Variants in GPR89B observed in about 807,000 individuals in gnomAD.
GPR89B encodes golgi pH regulator B, also known as G protein-coupled receptor 89B.
Under a neutral mutation model 52.4 loss-of-function variants are expected in GPR89B, and 25 were observed. The observed-to-expected ratio is 0.48, with a 90% CI of 0.35 to 0.67. The LOEUF is 0.67. GPR89B is among the 30% of genes least tolerant of loss of function. GPR89B has a pLI of 0.01. For synonymous variants in GPR89B, 52 were observed against 151.2 expected (o/e 0.34, Z 4.81); for missense variants, 146 against 450.2 (o/e 0.32, Z 6.11).
intron 7 of GPR89B, among the ~76,000 whole-genome samples, chr1:147,965,428 T>C (rs1656957400): frequency 2.0e-5 from 3 of 152,068 alleles, no homozygotes. Flanking sequence ...CCTGCTACTC[T>C]ATTTTTATTA....
chr1:147,937,851 A>T (rs1354068364), intron 2 of GPR89B, among the ~76,000 whole-genome samples: 1 of 152,200 alleles, frequency 6.6e-6, no homozygotes. Context: ...GGTGACATAC[A>T]TCCTCAGTTT....
At chr1:148,017,746 T>TAAATAAAATAAAATAAAATAAAATA in the GPR89B span, among the ~76,000 whole-genome samples, 10 of 143,354 alleles carry the variant, frequency 7.0e-5, no homozygotes, top group African/African-American at 1.9e-4. Flanking sequence ...TCAAAATAAA[T>TAAATAAAATAAAATAAAATAAAATA]AAATAAAATA....
chr1:147,943,587 G>A (rs781842691), intron 4 of GPR89B, 43 bp downstream of exon 4: 9 of 1,600,174 alleles, frequency 5.6e-6, no homozygotes, highest in Non-Finnish European at 7.7e-6. Flanking sequence ...ATTGAGATGA[G>A]TATTTGAGGG....
At chr1:148,006,842 G>A in the GPR89B span, among the ~76,000 whole-genome samples, 1 of 151,532 alleles carries the variant, frequency 6.6e-6, no homozygotes, top group African/African-American at 2.4e-5. Context: ...TCAGCCTCTC[G>A]AGTAGCTGGG....
chr1:148,015,729 G>A, the GPR89B span, among the ~76,000 whole-genome samples: 1 of 149,628 alleles, frequency 6.7e-6, no homozygotes, highest in Non-Finnish European at 1.5e-5. Flanking sequence ...TACATATAAT[G>A]TTCTAGTCAT....
At chr1:148,006,435 C>T in the GPR89B span, among the ~76,000 whole-genome samples, 1 of 152,096 alleles carries the variant, frequency 6.6e-6, no homozygotes, top group Admixed American at 6.5e-5. Flanking sequence ...GTGCTACTTA[C>T]AGAAATGCTG....
intron 7 of GPR89B, among the ~76,000 whole-genome samples, 175 bp downstream of exon 7, chr1:147,954,577 GGA>G (rs1481466226): frequency 1.3e-5 from 2 of 151,046 alleles, no homozygotes; most frequent in Non-Finnish European, 3.0e-5. Context: ...CAGCACTTTG[GGA>G]GGCCACGACG....
At position 147,992,433 on chromosome 1, in the gene GPR89B, T is replaced by A. The variant is rs1327451599; in HGVS notation, c.1096-69T>A. Reference sequence around the variant, plus strand: ...GACACTTTTAATCAAATGTTAACCATATTTCTTACTGTTCGTGACACAGGA... The same window carrying A: ...GACACTTTTAATCAAATGTTAACCAAATTTCTTACTGTTCGTGACACAGGA... On this transcript the variant is annotated intron_variant, in intron 12 of 13. Coordinates refer to ENST00000314163, the MANE Select transcript of GPR89B (RefSeq NM_016334.5). 5.3e-6 allele frequency: 8 copies of A among 1,512,878 alleles called. No homozygotes were observed. In the African/African-American group the frequency reaches 1.1e-4, roughly 21 times the overall value. The allele number at this position is 1,512,878 out of a possible 1,614,324, so 93.7% of individuals were successfully genotyped here.
At chr1:147,999,839 C>T in the GPR89B span, among the ~76,000 whole-genome samples, 1 of 152,006 alleles carries the variant, frequency 6.6e-6, no homozygotes, top group African/African-American at 2.4e-5. Context: ...CTGAATATTC[C>T]AATTCAACCC....
the GPR89B span, chr1:148,012,164 A>C: frequency 6.6e-6 from 1 of 151,982 alleles, no homozygotes; most frequent in Non-Finnish European, 1.5e-5. Flanking sequence ...TCTTCTCTTC[A>C]CTTGTTATTC....
chr1:148,023,765 T>C, the GPR89B span, among the ~76,000 whole-genome samples: 13 of 151,436 alleles, frequency 8.6e-5, no homozygotes, highest in African/African-American at 2.9e-4. Flanking sequence ...TCATGTCACC[T>C]TGCCCACTTT....
intron 10 of GPR89B, among the ~76,000 whole-genome samples, chr1:147,970,249 A>G (rs1249935564): frequency 4.5e-4 from 69 of 151,954 alleles, no homozygotes; most frequent in Non-Finnish European, 7.4e-4. Flanking sequence ...TAATCCCAGC[A>G]CTTTCGGAGG....
At chr1:147,936,487 T>C (rs1654099913) in intron 1 of GPR89B, 140 bp from the exon 2 acceptor site, 1 of 674,950 alleles carries the variant, frequency 1.5e-6, no homozygotes. Flanking sequence ...AATAAGTAGG[T>C]CTTATAAGAG....
chr1:147,934,389 C>G (rs587613692), intron 1 of GPR89B, among the ~76,000 whole-genome samples: 85 of 152,210 alleles, frequency 5.6e-4, no homozygotes, highest in Non-Finnish European at 9.9e-4. Context: ...GTTGCCCAAG[C>G]TGGTCTCGAA....
chr1:147,943,294 T>C (rs1477840521), intron 3 of GPR89B, 144 bp from the exon 4 acceptor site: 3 of 1,217,572 alleles, frequency 2.5e-6, no homozygotes, highest in Non-Finnish European at 3.4e-6. Flanking sequence ...TACAAATGAG[T>C]AGATTTTAAG....
chr1:147,956,313 T>A (rs1279539713), intron 7 of GPR89B, among the ~76,000 whole-genome samples: 1 of 152,024 alleles, frequency 6.6e-6, no homozygotes, highest in African/African-American at 2.4e-5. Context: ...TAGTATAATA[T>A]GAAATAAGAT....
chr1:147,979,320 C>G (rs1175976227), intron 10 of GPR89B, among the ~76,000 whole-genome samples: 7 of 151,832 alleles, frequency 4.6e-5, no homozygotes, highest in Non-Finnish European at 8.8e-5. Flanking sequence ...CCTTGCCAGT[C>G]TTTTAATTAA....
downstream of GPR89B, among the ~76,000 whole-genome samples, chr1:147,994,974 G>T (rs1318779877): frequency 6.6e-6 from 1 of 151,948 alleles, no homozygotes; most frequent in Non-Finnish European, 1.5e-5. Flanking sequence ...AGGAAAAATT[G>T]GGCAAAAATA....
At chr1:147,933,598 A>G (rs1228238817) in intron 1 of GPR89B, among the ~76,000 whole-genome samples, 1 of 151,210 alleles carries the variant, frequency 6.6e-6, no homozygotes, top group Non-Finnish European at 1.5e-5. Context: ...CCCTTTCCTA[A>G]ACCTCTTCTT....
Sources: allele counts gnomAD v4.1 joint callset (sites outside exome capture counted in the v4.1 genomes callset), GRCh38; gene constraint gnomAD v4.1.1; transcripts MANE v1.5; gene names NCBI Gene and HGNC (gene_info 2026-07-23, HGNC 2026-07-21).